Variants in COL6A5 observed in about 807,000 individuals in gnomAD.
COL6A5 encodes the protein collagen type VI alpha 5 chain.
A neutral mutation model predicts 65.6 loss-of-function variants in COL6A5; 48 were observed. That is an observed-to-expected ratio of 0.73 (90% CI 0.58 to 0.93). The LOEUF (loss-of-function observed/expected upper bound fraction) is 0.93. Ranked by LOEUF, COL6A5 falls within the 40% of genes least tolerant of loss-of-function variation. The pLI is 0.00. For missense variants in COL6A5, 914 were observed against 928.3 expected (o/e 0.98, Z 0.20); for synonymous variants, 291 against 322.8 (o/e 0.90, Z 1.05).
intron 1 of COL6A5, among the ~76,000 whole-genome samples, chr3:130,366,756 T>A (rs919766369): frequency 6.6e-6 from 1 of 152,254 alleles, no homozygotes; most frequent in African/African-American, 2.4e-5. Flanking sequence ...AACATCATGT[T>A]CATTTATTCT....
At chr3:130,461,464 A>G (rs2107606420) in intron 5 of COL6A5, among the ~76,000 whole-genome samples, 1 of 152,264 alleles carries the variant, frequency 6.6e-6, no homozygotes, top group Non-Finnish European at 1.5e-5. Flanking sequence ...TAAATCTATC[A>G]TTATTTCCTT....
intron 17 of COL6A5, among the ~76,000 whole-genome samples, chr3:130,408,444 C>T (rs971392996): frequency 3.3e-5 from 5 of 152,108 alleles, no homozygotes; most frequent in South Asian, 2.1e-4. Context: ...GTTGTCTGCT[C>T]GCGAACACTG....
At chr3:130,472,856 T>TAC (rs1709991486) in intron 7 of COL6A5, among the ~76,000 whole-genome samples, 1 of 143,362 alleles carries the variant, frequency 7.0e-6, no homozygotes, top group African/African-American at 2.6e-5. Context: ...TATATATATA[T>TAC]ATACACATTT....
At position 130,452,818 on chromosome 3, in the gene COL6A5, C is replaced by T. The variant is rs145479088; in HGVS notation, c.1333-2637C>T. Among the ~76,000 whole-genome samples, 1,156 of 152,188 alleles carry T rather than the reference C, an allele frequency of 7.6e-3. 15 individuals carry two copies. Among genetic ancestry groups the T allele is most frequent in the African/African-American group, 0.026 (1,097 of 41,546 alleles). On this transcript the variant is annotated intron_variant, in intron 4 of 7. Coordinates refer to ENST00000512836, the Ensembl canonical transcript of COL6A5. The stretch of plus-strand genomic sequence containing the variant: ...GGGGCTTATTTCATCCCTACAGTTT[C>T]GACCATAGAATACGGCCACACCCAA...
chr3:130,407,134 A>T (rs528716654), intron 17 of COL6A5, among the ~76,000 whole-genome samples: 1 of 152,354 alleles, frequency 6.6e-6, no homozygotes, highest in Non-Finnish European at 1.5e-5. Context: ...GAAGAGGAAC[A>T]GGAATTCAGC....
chr3:130,461,898 C>T (rs1275183839), intron 5 of COL6A5, among the ~76,000 whole-genome samples: 2 of 151,838 alleles, frequency 1.3e-5, no homozygotes, highest in East Asian at 3.9e-4. Context: ...ATTGCCTTTT[C>T]TCAGTGTGCT....
At chr3:130,345,733 G>C (rs1934437025) in exon 1 of COL6A5, 2 of 398,662 alleles carry the variant, frequency 5.0e-6, no homozygotes, top group Non-Finnish European at 4.4e-6. Flanking sequence ...CCAAGGGCAC[G>C]GGTCAGCGCC....
At chr3:130,384,676 G>A in intron 4 of COL6A5, 128 bp from the exon 5 acceptor site, 1 of 702,618 alleles carries the variant, frequency 1.4e-6, no homozygotes, top group East Asian at 2.7e-5. Flanking sequence ...TTAATGAAGT[G>A]TGCAGGCTCT....
chr3:130,384,462 A>G (rs764238294), intron 4 of COL6A5, among the ~76,000 whole-genome samples: 2 of 152,010 alleles, frequency 1.3e-5, no homozygotes, highest in Non-Finnish European at 2.9e-5. Flanking sequence ...TTTTTTCAAG[A>G]AATGATAGGA....
At chr3:130,369,334 T>G (rs143836002) in intron 1 of COL6A5, among the ~76,000 whole-genome samples, 14 of 152,362 alleles carry the variant, frequency 9.2e-5, no homozygotes, top group African/African-American at 3.1e-4. Flanking sequence ...TGTGGCATGT[T>G]TGATTTAGGA....
chr3:130,452,515 T>G (rs1181217768), intron 4 of COL6A5, among the ~76,000 whole-genome samples: 4 of 152,088 alleles, frequency 2.6e-5, no homozygotes, highest in African/African-American at 9.7e-5. Flanking sequence ...AAGTTTTTAT[T>G]TGGGATTTTC....
chr3:130,389,143 C>T lies in COL6A5; in HGVS notation c.2416+9C>T. On this transcript the variant is annotated intron_variant and NMD_transcript_variant, in intron 6 of 41. Transcript: ENST00000312481. ...TGTGTGTGCTCTCCATGGTAAGTGT[C>T]CCTGTTATCTGTCAGGACTAAAGGA... The T allele has an allele frequency of 7.1e-7, 1 of 1,404,358 alleles. No homozygotes were observed. Among genetic ancestry groups the T allele is most frequent in the South Asian group, 1.9e-5 (1 of 52,932 alleles). The allele number at this position is 1,404,358 out of a possible 1,614,324, so 87.0% of individuals were successfully genotyped here.
intron 17 of COL6A5, among the ~76,000 whole-genome samples, chr3:130,408,322 T>A (rs1280871381): frequency 6.6e-6 from 1 of 151,406 alleles, no homozygotes; most frequent in South Asian, 2.1e-4. Flanking sequence ...GCTCTGGGAG[T>A]GTCTGTCTTA....
chr3:130,394,317 T>C (rs1042578048), intron 7 of COL6A5, among the ~76,000 whole-genome samples: 2 of 152,240 alleles, frequency 1.3e-5, no homozygotes, highest in African/African-American at 4.8e-5. Context: ...CACTCCATAG[T>C]AACTGTGTGC....
exon 7 of COL6A5, chr3:130,391,485 A>G (rs1474132338): frequency 7.1e-6 from 11 of 1,551,732 alleles, no homozygotes; most frequent in Middle Eastern, 1.7e-4. Context: ...ACAGAGGAAC[A>G]TGGCAGCCGC....
At chr3:130,440,442 A>G in exon 3 of COL6A5, 1 of 1,613,676 alleles carries the variant, frequency 6.2e-7, no homozygotes, top group Non-Finnish European at 8.5e-7. Context: ...TTCATCACTT[A>G]TGACAACCAA....
intron 17 of COL6A5, among the ~76,000 whole-genome samples, chr3:130,406,915 A>G (rs868324820): frequency 2.0e-5 from 3 of 152,176 alleles, no homozygotes; most frequent in African/African-American, 7.2e-5. Flanking sequence ...ATATTCTTAT[A>G]TAATAAGAAT....
intron 18 of COL6A5, 133 bp downstream of exon 18, chr3:130,409,521 G>A: frequency 1.4e-6 from 1 of 689,938 alleles, no homozygotes; most frequent in Non-Finnish European, 2.3e-6. Flanking sequence ...GGTGTTGGCT[G>A]AGGCTTTGGG....
rs573174005 is a variant in COL6A5, at chr3:130,347,847, A to T, written c.-29+1866A>T. Among the ~76,000 whole-genome samples the T allele has an allele frequency of 3.3e-5, 5 of 152,284 alleles. No homozygotes were observed. The East Asian group carries it at 9.7e-4, about 29-fold the overall frequency. On this transcript the variant is annotated intron_variant and NMD_transcript_variant, in intron 1 of 41. Coordinates refer to the COL6A5 transcript ENST00000312481. ...TCTTGTAGGATCTCAGATCCAGTACACACTGAGCAAGTGGAAAGTGCAAAG... is the reference window on the plus strand; with the variant it reads ...TCTTGTAGGATCTCAGATCCAGTACTCACTGAGCAAGTGGAAAGTGCAAAG...
Sources: gnomAD v4.1 joint callset for allele counts (sites outside exome capture counted in the v4.1 genomes callset) on GRCh38, gnomAD v4.1.1 for gene constraint, MANE v1.5 for transcripts, NCBI Gene and HGNC (gene_info 2026-07-23, HGNC 2026-07-21) for gene names.